Variants in ARHGEF17 observed in about 807,000 individuals in gnomAD.
ARHGEF17 encodes the protein 164 kDa Rho-specific guanine-nucleotide exchange factor.
Under a neutral mutation model 174.0 loss-of-function variants are expected in ARHGEF17, and 80 were observed. The observed-to-expected ratio is 0.46, with a 90% confidence interval of 0.38 to 0.55. ARHGEF17 has a LOEUF of 0.55. ARHGEF17 is among the 20% of genes least tolerant of loss of function. The pLI is 0.00. For missense variants in ARHGEF17, 2,886 were observed against 2,839.7 expected, an observed-to-expected ratio of 1.02 and a Z score of -0.37; for synonymous variants, 1,311 against 1,189.1, an observed-to-expected ratio of 1.10 and a Z score of -2.11.
At position 73,308,916 on chromosome 11, in the gene ARHGEF17, G is replaced by A; in HGVS notation, c.278G>A (p.Arg93His). The A allele has an allele frequency of 2.9e-6, 4 of 1,365,094 alleles. No homozygotes were observed. Among genetic ancestry groups the A allele is most frequent in the East Asian group, 3.1e-5 (1 of 32,220 alleles). The allele number at this position is 1,365,094 out of a possible 1,614,324, so 84.6% of individuals were successfully genotyped here. Residue 93 changes from arginine (R) to histidine (H), a missense_variant, in exon 1 of 21, where the codon CGT becomes CAT. Transcript: ENST00000263674. ...RQLSRRFDAPRLDDGSAGTRD... is the reference protein window; with the variant it reads ...RQLSRRFDAPHLDDGSAGTRD... ...CTCTCCCGGCGCTTCGACGCGCCGC[G>A]TCTGGACGACGGCTCCGCTGGGACC...
intron 1 of ARHGEF17, among the ~76,000 whole-genome samples, chr11:73,346,510 G>C (rs933270082): frequency 6.6e-6 from 1 of 152,248 alleles, no homozygotes; most frequent in Non-Finnish European, 1.5e-5. Context: ...GCTGGAGTGG[G>C]TGCTGGCCTG....
intron 1 of ARHGEF17, among the ~76,000 whole-genome samples, chr11:73,316,770 GA>G (rs2135788020): frequency 6.6e-6 from 1 of 152,372 alleles, no homozygotes; most frequent in East Asian, 1.9e-4. Context: ...GGTGCTGTTG[GA>G]AGGTTCTGAG....
intron 1 of ARHGEF17, among the ~76,000 whole-genome samples, chr11:73,333,836 T>G (rs1865247280): frequency 6.6e-6 from 1 of 152,052 alleles, no homozygotes; most frequent in African/African-American, 2.4e-5. Flanking sequence ...ACCCTGGGGG[T>G]CATGAGACAT....
chr11:73,310,677 A>G lies in ARHGEF17; in HGVS notation c.2039A>G (p.His680Arg), dbSNP rs1280861165. The G allele has an allele frequency of 4.3e-6, 7 of 1,613,562 alleles. No homozygotes were observed. Among genetic ancestry groups the G allele is most frequent in the African/African-American group, 4.0e-5 (3 of 74,868 alleles). The change falls in exon 1 of 21, where the codon CAC (histidine) becomes CGC (arginine). Residue 680 changes from histidine (H) to arginine (R), a missense_variant. This residue lies in a region of ARHGEF17 where 1,728 missense variants were observed against 1,461.2 expected (regional missense o/e 1.18). Coordinates refer to ENST00000263674, the MANE Select transcript of ARHGEF17 (RefSeq NM_014786.4). ...TCCTCATCCTCGGCCCAGACGAACC[A>G]CCATGGCCCTGGGACTGAGGACAGT... is the stretch of plus-strand genomic sequence containing the variant. Reference protein sequence around the residue: ...PLSSSSAQTNHHGPGTEDSLG... With the variant: ...PLSSSSAQTNRHGPGTEDSLG...
In ARHGEF17 at chr11:73,308,521, T is replaced by C. The variant is rs1029158221; in HGVS notation, c.-118T>C. 6.5e-6 allele frequency: 6 copies of C among 916,778 alleles called. No individual in the cohort carries two copies. The highest frequency in any genetic ancestry group is 7.4e-6 in the Non-Finnish European group (5 of 671,222). 56.8% of individuals were successfully genotyped at this position (916,778 alleles called of 1,614,324 possible). A position where few individuals can be genotyped will look rare whatever the true frequency, so the allele number is the denominator to read the frequency against. On this transcript the variant is annotated 5_prime_UTR_variant, in exon 1 of 21. Coordinates refer to ENST00000263674, the MANE Select transcript of ARHGEF17 (RefSeq NM_014786.4). Reference sequence around the variant, plus strand: ...CTCTGCTCCGGTCTCTGCGTCCTCTTCCCACACTCCCGTGCGCTGCTTTCG... The same window carrying C: ...CTCTGCTCCGGTCTCTGCGTCCTCTCCCCACACTCCCGTGCGCTGCTTTCG...
At chr11:73,335,399 G>C (rs1865269964) in intron 1 of ARHGEF17, among the ~76,000 whole-genome samples, 1 of 152,122 alleles carries the variant, frequency 6.6e-6, no homozygotes, top group African/African-American at 2.4e-5. Context: ...ACATCTGTTG[G>C]GGGTCTGTCT....
At chr11:73,366,992 AG>A (rs1414345269) in intron 20 of ARHGEF17, among the ~76,000 whole-genome samples, 2 of 152,324 alleles carry the variant, frequency 1.3e-5, no homozygotes, top group East Asian at 3.9e-4. Flanking sequence ...GTGAGCCAAG[AG>A]TATGTGCCAT....
Position 73,311,847 on chromosome 11 carries a change from G to T in ARHGEF17, c.3192+17G>T. ...CCACAGGTGGTGAGTCCTTTGTAGG[G>T]GCCTTCAGATTGGGGCCAAAGAAGG... On this transcript the variant is annotated intron_variant, in intron 1 of 20. Coordinates refer to ENST00000263674, the MANE Select transcript of ARHGEF17 (RefSeq NM_014786.4). 6.3e-7 allele frequency: 1 copy of T among 1,577,478 alleles called. No homozygotes were observed.
At position 73,367,437 on chromosome 11, in the gene ARHGEF17, G is replaced by A. The variant is rs1032122061; in HGVS notation, c.5996-147G>A. 9.6e-6 allele frequency: 6 copies of A among 625,760 alleles called. No homozygotes were observed. The African/African-American group carries it at 1.1e-4, about 11-fold the overall frequency. The allele number at this position is 625,760 out of a possible 1,614,324, so 38.8% of individuals were successfully genotyped here. A position where few individuals can be genotyped will look rare whatever the true frequency, so the allele number is the denominator to read the frequency against. ...GAAGTGGGCATTTCTTTCTAAATAA[G>A]TTCCTAGCTAACAGAAAGTGGGATT... On this transcript the variant is annotated intron_variant, in intron 20 of 20. Transcript: ENST00000263674.
chr11:73,312,157 G>T (rs1864849532), intron 1 of ARHGEF17, among the ~76,000 whole-genome samples: 1 of 152,176 alleles, frequency 6.6e-6, no homozygotes, highest in Non-Finnish European at 1.5e-5. Context: ...TCCCTGTGTG[G>T]TTCTTTGTTG....
chr11:73,356,193 C>A lies in ARHGEF17; in HGVS notation c.3682C>A (p.Pro1228Thr). 2 of 1,613,930 alleles carry A rather than the reference C, an allele frequency of 1.2e-6. No individual in the cohort carries two copies. The highest frequency in any genetic ancestry group is 1.7e-6 in the Non-Finnish European group (2 of 1,180,018). Residue 1228 changes from proline (P) to threonine (T), a missense_variant, in exon 6 of 21, where the codon CCT (proline) becomes ACT (threonine). Coordinates refer to ENST00000263674, the MANE Select transcript of ARHGEF17 (RefSeq NM_014786.4). Reference protein sequence around the residue: ...LLVKDLLKHTPEDHPDHPLLL... With the variant: ...LLVKDLLKHTTEDHPDHPLLL... ...ACCCCAGGACCTCCTGAAGCATACA[C>A]CTGAGGACCACCCGGACCATCCACT...
rs1865730255 is a variant in ARHGEF17, at chr11:73,361,086, A to G, written c.4421-2A>G. On this transcript the variant is annotated splice_acceptor_variant, in intron 11 of 20. Coordinates refer to ENST00000263674, the MANE Select transcript of ARHGEF17 (RefSeq NM_014786.4). LOFTEE classifies it high-confidence loss of function. ...CCGTCTGTCTGTCCATCTCCACTAC[A>G]GCATCCAGCAAAAGCTGTCTAGACC... 6.2e-7 allele frequency: 1 copy of G among 1,613,746 alleles called. No homozygotes were observed. Among genetic ancestry groups the G allele is most frequent in the Non-Finnish European group, 8.5e-7 (1 of 1,179,782 alleles).
chr11:73,340,879 G>T (rs1865357171), intron 1 of ARHGEF17, among the ~76,000 whole-genome samples: 1 of 152,232 alleles, frequency 6.6e-6, no homozygotes, highest in Non-Finnish European at 1.5e-5. Context: ...CCCAGCCCTG[G>T]GAGGAGGAAG....
chr11:73,325,305 C>T (rs1394592055), intron 1 of ARHGEF17, among the ~76,000 whole-genome samples: 1 of 152,022 alleles, frequency 6.6e-6, no homozygotes, highest in Non-Finnish European at 1.5e-5. Context: ...GGGCCTCAGT[C>T]ATCAGGTCGC....
Position 73,310,759 on chromosome 11 carries a change from C to T in ARHGEF17, c.2121C>T (p.Arg707=), listed in dbSNP as rs1565184708. 2 of 1,611,112 alleles carry T rather than the reference C, an allele frequency of 1.2e-6. No individual in the cohort carries two copies. The highest frequency in any genetic ancestry group is 2.2e-5 in the South Asian group (2 of 91,020). The change falls in exon 1 of 21, where the codon CGC becomes CGT. Residue 707 remains arginine, a synonymous_variant. Transcript: ENST00000263674. ...PETPPTPGAL[R]RRRKVPPSGS... ...CCCCTCCCACACCAGGTGCCCTCCG[C>T]CGACGACGCAAAGTCCCACCTTCAG... is the stretch of plus-strand genomic sequence containing the variant.
chr11:73,332,604 C>T (rs1159182725), intron 1 of ARHGEF17, among the ~76,000 whole-genome samples: 1 of 152,062 alleles, frequency 6.6e-6, no homozygotes, highest in East Asian at 1.9e-4. Flanking sequence ...AGTGGGCGTC[C>T]TCATGCTGGG....
intron 5 of ARHGEF17, 34 bp downstream of exon 5, chr11:73,355,987 G>T (rs1309981660): frequency 6.2e-7 from 1 of 1,612,744 alleles, no homozygotes; most frequent in African/African-American, 1.3e-5. Context: ...AGTGGGCAAG[G>T]CCTGGAAGCA....
intron 11 of ARHGEF17, 67 bp from the exon 12 acceptor site, chr11:73,361,021 G>A (rs1865729025): frequency 8.8e-6 from 12 of 1,369,734 alleles, no homozygotes; most frequent in Non-Finnish European, 1.2e-5. Flanking sequence ...ATGGGGCAGG[G>A]GCAGGACCAG....
At chr11:73,315,424 C>G (rs994558713) in intron 1 of ARHGEF17, among the ~76,000 whole-genome samples, 1 of 152,228 alleles carries the variant, frequency 6.6e-6, no homozygotes, top group East Asian at 1.9e-4. Context: ...AGCCAGCTCC[C>G]TGCCTTGCTG....
Sources: allele counts gnomAD v4.1 joint callset (sites outside exome capture counted in the v4.1 genomes callset), GRCh38; gene constraint gnomAD v4.1.1; regional missense constraint gnomAD v4.1.1; transcripts MANE v1.5; gene names NCBI Gene and HGNC (gene_info 2026-07-23, HGNC 2026-07-21).